Variants in TNIK observed in about 807,000 individuals in gnomAD.
The protein encoded by TNIK is TRAF2 and NCK-interacting protein kinase.
TNIK carries 49 observed loss-of-function variants against 191.3 expected under a neutral mutation model. The observed-to-expected ratio is 0.26, with a 90% confidence interval of 0.20 to 0.32. The LOEUF (loss-of-function observed/expected upper bound fraction) is 0.32. TNIK is among the 10% of genes least tolerant of loss of function. The probability of loss-of-function intolerance (pLI) is 1.00; values close to 1 mark genes in which losing one functional copy is unlikely to be tolerated. For synonymous variants in TNIK, 594 were observed against 600.9 expected (o/e 0.99, Z 0.17); for missense variants, 1,155 against 1,702.3 (o/e 0.68, Z 5.66).
intron 1 of TNIK, among the ~76,000 whole-genome samples, chr3:171,396,365 C>T (rs1485833421): frequency 6.6e-6 from 1 of 152,206 alleles, no homozygotes; most frequent in Non-Finnish European, 1.5e-5. Context: ...AGTTGATGGA[C>T]ATTGTATTGT....
rs529623696 is a variant in TNIK, at chr3:171,241,779, G to A, written c.124-13558C>T. ...CTTGGAACCAACCCAAATGTCCATC[G>A]ATGATAGACTGGATTAAGAAAATGT... On this transcript the variant is annotated intron_variant, in intron 2 of 32. Coordinates refer to ENST00000436636, the MANE Select transcript of TNIK (RefSeq NM_015028.4). Among the ~76,000 whole-genome samples the A allele has an allele frequency of 3.7e-3, 566 of 152,006 alleles. 2 individuals are homozygous for A. The highest frequency in any genetic ancestry group is 0.013 in the African/African-American group (524 of 41,430).
intron 7 of TNIK, among the ~76,000 whole-genome samples, chr3:171,180,398 C>A (rs1007775079): frequency 6.6e-6 from 1 of 152,058 alleles, no homozygotes; most frequent in African/African-American, 2.4e-5. Flanking sequence ...CATGTTTATT[C>A]ATCACTAATT....
chr3:171,336,028 GTATCTTTACA>G (rs1276948006), intron 2 of TNIK, among the ~76,000 whole-genome samples: 1 of 151,972 alleles, frequency 6.6e-6, no homozygotes, highest in African/African-American at 2.4e-5. Flanking sequence ...CCGATGTTAA[GTATCTTTACA>G]TATTCATACA....
chr3:171,216,895 GA>G (rs1560275514), intron 3 of TNIK, among the ~76,000 whole-genome samples: 1 of 152,010 alleles, frequency 6.6e-6, no homozygotes, highest in African/African-American at 2.4e-5. Flanking sequence ...GTCATCCAAC[GA>G]GTTGTCTAAG....
intron 2 of TNIK, among the ~76,000 whole-genome samples, chr3:171,290,150 T>C (rs1007069385): frequency 1.3e-5 from 2 of 152,204 alleles, no homozygotes; most frequent in Non-Finnish European, 2.9e-5. Context: ...AGAAGGCACG[T>C]ACTACTCTAA....
intron 1 of TNIK, among the ~76,000 whole-genome samples, chr3:171,412,887 A>T (rs1722585590): frequency 6.6e-6 from 1 of 152,202 alleles, no homozygotes; most frequent in Non-Finnish European, 1.5e-5. Context: ...TGTTATGCAG[A>T]CCAGAGGGAA....
intron 2 of TNIK, chr3:171,346,887 T>G: frequency 2.9e-6 from 1 of 346,094 alleles, no homozygotes; most frequent in South Asian, 5.9e-5. Context: ...AGTTTACTCT[T>G]GATCACATGG....
intron 4 of TNIK, among the ~76,000 whole-genome samples, chr3:171,205,652 G>A (rs551638961): frequency 3.9e-5 from 6 of 152,248 alleles, no homozygotes; most frequent in African/African-American, 1.4e-4. Context: ...TGACCCATCT[G>A]GTCTATTCGC....
chr3:171,217,188 T>C (rs902214692), intron 3 of TNIK, among the ~76,000 whole-genome samples: 3 of 152,102 alleles, frequency 2.0e-5, no homozygotes, highest in African/African-American at 7.2e-5. Context: ...GAAAATATGG[T>C]ATGCATACAC....
At chr3:171,200,386 T>C (rs899252347) in intron 4 of TNIK, among the ~76,000 whole-genome samples, 1 of 151,840 alleles carries the variant, frequency 6.6e-6, no homozygotes, top group Non-Finnish European at 1.5e-5. Context: ...TTGGATTATT[T>C]AGACATGGGT....
chr3:171,220,697 A>C (rs1247516134), intron 3 of TNIK, among the ~76,000 whole-genome samples: 1 of 152,138 alleles, frequency 6.6e-6, no homozygotes, highest in Non-Finnish European at 1.5e-5. Context: ...ATCTACAGGC[A>C]TCTCCACCCC....
Position 171,166,804 on chromosome 3 carries a change from T to C in TNIK, c.949+291A>G, listed in dbSNP as rs531952197. Among the ~76,000 whole-genome samples, 20 of 152,360 alleles carry C rather than the reference T, an allele frequency of 1.3e-4. No individual in the cohort carries two copies. In the South Asian group the frequency reaches 4.1e-3, roughly 32 times the overall value. On this transcript the variant is annotated intron_variant, in intron 10 of 32. Coordinates refer to ENST00000436636, the MANE Select transcript of TNIK (RefSeq NM_015028.4). ...TTCTAAACATGAATATTAATTTGAA[T>C]TAAGAAAATCACTTGTCATATTAAA...
At chr3:171,292,775 C>CAAAAAAA (rs59314303) in intron 2 of TNIK, among the ~76,000 whole-genome samples, 1,594 of 84,958 alleles carry the variant, frequency 0.019, 45 homozygotes, top group Non-Finnish European at 0.024. Flanking sequence ...GACTCCATCT[C>CAAAAAAA]AAAAAAAAAA....
chr3:171,283,417 G>C (rs1750690818), intron 2 of TNIK, among the ~76,000 whole-genome samples: 1 of 152,026 alleles, frequency 6.6e-6, no homozygotes, highest in African/African-American at 2.4e-5. Flanking sequence ...TAAAGGAAGG[G>C]GATCGCCAAA....
chr3:171,369,718 A>T, intron 1 of TNIK, 33 bp from the exon 2 acceptor site: 1 of 1,523,180 alleles, frequency 6.6e-7, no homozygotes, highest in East Asian at 2.4e-5. Flanking sequence ...TAAAAATTCA[A>T]AACAATATTC....
intron 2 of TNIK, among the ~76,000 whole-genome samples, chr3:171,258,079 C>T (rs371496908): frequency 4.6e-5 from 7 of 152,222 alleles, no homozygotes; most frequent in African/African-American, 1.7e-4. Context: ...ATGATGGATG[C>T]CCTGCGATCT....
At chr3:171,125,856 T>C in intron 17 of TNIK, 56 bp downstream of exon 17, 1 of 1,591,586 alleles carries the variant, frequency 6.3e-7, no homozygotes, top group East Asian at 2.3e-5. Flanking sequence ...GGAATAGTGG[T>C]AATAAAAATC....
intron 2 of TNIK, among the ~76,000 whole-genome samples, chr3:171,282,746 G>A (rs1474598843): frequency 3.3e-5 from 5 of 152,168 alleles, no homozygotes; most frequent in African/African-American, 7.2e-5. Flanking sequence ...GAAGCTCATG[G>A]ACAAACTATG....
rs543101461 is a variant in TNIK at position 171,094,339 on chromosome 3, T to C, written c.2592-371A>G. Among the ~76,000 whole-genome samples, 176 of 152,202 alleles carry C rather than the reference T, an allele frequency of 1.2e-3. 1 individual carries two copies. The South Asian group carries it at 0.021, about 18-fold the overall frequency. On this transcript the variant is annotated intron_variant, in intron 22 of 32. Coordinates refer to ENST00000436636, the MANE Select transcript of TNIK (RefSeq NM_015028.4). ...TTTTAGTAGAGACGGGGTTTCAACA[T>C]GTTAGCCAGGATGGTCTCGATCTCC...
Sources: gnomAD v4.1 joint callset for allele counts (sites outside exome capture counted in the v4.1 genomes callset) on GRCh38, gnomAD v4.1.1 for gene constraint, MANE v1.5 for transcripts, NCBI Gene and HGNC (gene_info 2026-07-23, HGNC 2026-07-21) for gene names.